The following TGIF1 variants were observed in gnomAD, a reference collection of about 807,000 sequenced individuals.
TGIF1 encodes homeobox protein TGIF1.
Under a neutral mutation model 19.3 loss-of-function variants are expected in TGIF1, and 4 were observed. The ratio of observed to expected loss-of-function variants is 0.21; its 90% CI spans 0.10 to 0.47. The LOEUF (loss-of-function observed/expected upper bound fraction) is 0.47, where lower values mean the gene tolerates loss of function less well. TGIF1 is among the 20% of genes least tolerant of loss of function. The probability of loss-of-function intolerance (pLI) is 0.98; values close to 1 mark genes in which losing one functional copy is unlikely to be tolerated. For synonymous variants in TGIF1, 122 were observed against 129.3 expected, an observed-to-expected ratio of 0.94 and a Z score of 0.38; for missense variants, 275 against 341.4, an observed-to-expected ratio of 0.81 and a Z score of 1.53.
Position 3,459,154 on chromosome 18 carries a change from C to G in TGIF1, c.*1214C>G, listed in dbSNP as rs2049450917. ...ATGCCACAAAACCATTCTTTGTAGT[C>G]ATGCTTAGTATGAGCTTGCTTTGTT... On this transcript the variant is annotated 3_prime_UTR_variant, in exon 3 of 3. Transcript: ENST00000343820. The G allele has an allele frequency of 6.6e-6, 1 of 152,162 alleles. No homozygotes were observed. Among genetic ancestry groups the G allele is most frequent in the Non-Finnish European group, 1.5e-5 (1 of 68,038 alleles). The allele number at this position is 152,162 out of a possible 1,614,324, so 9.4% of individuals were successfully genotyped here. A position where few individuals can be genotyped will look rare whatever the true frequency, so the allele number is the denominator to read the frequency against.
chr18:3,418,508 TACTTATAATATCTAATACAA>T (rs1456711860), intron 2 of TGIF1: 1 of 152,242 alleles, frequency 6.6e-6, no homozygotes, highest in Non-Finnish European at 1.5e-5. Flanking sequence ...ATCTTTAGAT[TACTTATAATATCTAATACAA>T]TGTGAATGCT....
chr18:3,427,830 C>G (rs767313993), intron 2 of TGIF1, among the ~76,000 whole-genome samples: 13 of 151,884 alleles, frequency 8.6e-5, no homozygotes, highest in Non-Finnish European at 1.8e-4. Flanking sequence ...GAACTCTTGA[C>G]TGCAGGTGAT....
intron 2 of TGIF1, among the ~76,000 whole-genome samples, chr18:3,423,148 C>T (rs78992691): frequency 3.1e-4 from 47 of 152,248 alleles, no homozygotes; most frequent in Admixed American, 1.0e-3. Context: ...TGCATGTAGT[C>T]GGCTCTAAGT....
chr18:3,444,573 G>A (rs1357540967), intron 2 of TGIF1, among the ~76,000 whole-genome samples: 2 of 151,958 alleles, frequency 1.3e-5, no homozygotes, highest in Admixed American at 1.3e-4. Context: ...TAAATATTGG[G>A]TACCTATGAT....
At chr18:3,437,126 A>T (rs542656941) in intron 2 of TGIF1, among the ~76,000 whole-genome samples, 2 of 152,180 alleles carry the variant, frequency 1.3e-5, no homozygotes, top group African/African-American at 4.8e-5. Context: ...TAATAATAAA[A>T]TAAAATAAAC....
At chr18:3,450,050 T>TGA, upstream of TGIF1, 1 of 1,005,860 alleles carries the variant, frequency 9.9e-7, no homozygotes, top group Non-Finnish European at 1.2e-6. Flanking sequence ...CCGCGCTCGG[T>TGA]CCAGTCTTCC....
upstream of TGIF1, among the ~76,000 whole-genome samples, chr18:3,445,988 C>G (rs2082740442): frequency 2.0e-5 from 3 of 151,852 alleles, no homozygotes; most frequent in South Asian, 6.2e-4. Context: ...TGTTGGGTAC[C>G]CAGTTTTATG....
chr18:3,451,852 C>A lies in TGIF1; in HGVS notation c.16+1347C>A. ...AGGGAATTGGCCCTGGGAGAAAACG[C>A]GCGGGGGGCGTCCGAGACGCCCCGT... On this transcript the variant is annotated intron_variant, in intron 1 of 2. Coordinates refer to ENST00000343820, the MANE Select transcript of TGIF1 (RefSeq NM_003244.4). This position sits in a 1 kb window ranked among gnomAD's most constrained non-coding sequence, Gnocchi z 5.4. 7.1e-7 allele frequency: 1 copy of A among 1,399,958 alleles called. No homozygotes were observed. Among genetic ancestry groups the A allele is most frequent in the Non-Finnish European group, 9.3e-7 (1 of 1,076,694 alleles). 86.7% of individuals were successfully genotyped at this position (1,399,958 alleles called of 1,614,324 possible).
rs749217690 is a variant in TGIF1 at position 3,456,509 on chromosome 18, C to G, written c.172C>G (p.Arg58Gly). Residue 58 changes from arginine to glycine, a missense_variant, in exon 2 of 3, where the codon CGT (arginine) becomes GGT (glycine). Arg to Gly is a moderately radical substitution (Grantham distance 125). Coordinates refer to ENST00000343820, the MANE Select transcript of TGIF1 (RefSeq NM_003244.4). This position sits in a 1 kb window ranked among gnomAD's most constrained non-coding sequence, Gnocchi z 4.2. ...TCTTCGGGATTGGCTGTATGAGCAC[C>G]GTTACAATGCCTATCCTTCAGAGCA... ...QILRDWLYEH[R>G]YNAYPSEQEK... 1 of 1,614,222 alleles carries G rather than the reference C, an allele frequency of 6.2e-7. No homozygotes were observed. Among genetic ancestry groups the G allele is most frequent in the Non-Finnish European group, 8.5e-7 (1 of 1,180,048 alleles).
chr18:3,457,529 A>G lies in TGIF1; in HGVS notation c.408A>G (p.Leu136=), dbSNP rs772528947. The change falls in exon 3 of 3, where the codon CTA becomes CTG. Residue 136 remains leucine (L), a synonymous_variant. Coordinates refer to ENST00000343820, the MANE Select transcript of TGIF1 (RefSeq NM_003244.4). The surrounding 1 kb of genome is among the most constrained non-coding windows in gnomAD (Gnocchi z 4.9). The part of the protein sequence containing the change: ...VMGIKNFMPA[L]EETPFHSCTA... ...GCATCAAAAACTTCATGCCAGCTCT[A>G]GAGGAGACCCCATTTCATTCCTGTA... 16 of 1,614,106 alleles carry G rather than the reference A, an allele frequency of 9.9e-6. No individual in the cohort carries two copies. The highest frequency in any genetic ancestry group is 1.2e-5 in the Non-Finnish European group (14 of 1,180,062).
At chr18:3,417,317 G>C (rs369830591) in intron 1 of TGIF1, among the ~76,000 whole-genome samples, 1 of 151,994 alleles carries the variant, frequency 6.6e-6, no homozygotes, top group Non-Finnish European at 1.5e-5. Context: ...GAGCCACCGC[G>C]TCCGGCTAAT....
Position 3,444,471 on chromosome 18 carries a change from A to G in TGIF1, c.-44-11883A>G, listed in dbSNP as rs1386943578. 2.6e-5 allele frequency among the ~76,000 whole-genome samples: 4 copies of G among 152,154 alleles called. No individual in the cohort carries two copies. In the East Asian group the frequency reaches 7.7e-4, roughly 29 times the overall value. On this transcript the variant is annotated intron_variant, in intron 2 of 3. Coordinates refer to the TGIF1 transcript ENST00000401449. ...CTCCTCCCACCCTCCTCACTCAAGT[A>G]AACCCCAGTGTCTGATGTTTCCTTC...
upstream of TGIF1, chr18:3,449,935 G>A (rs1598892135): frequency 1.0e-6 from 1 of 986,352 alleles, no homozygotes; most frequent in Non-Finnish European, 1.2e-6. Flanking sequence ...GCCGGGCGAG[G>A]GATGCGGGCG....
upstream of TGIF1, chr18:3,449,263 A>G: frequency 2.7e-6 from 1 of 363,668 alleles, no homozygotes; most frequent in Non-Finnish European, 3.8e-6. Flanking sequence ...AAGAGTAGAC[A>G]CTGTTGACCG....
chr18:3,451,699 G>A lies in TGIF1; in HGVS notation c.16+1194G>A. 1 of 1,213,674 alleles carries A rather than the reference G, an allele frequency of 8.2e-7. No homozygotes were observed. The highest frequency in any genetic ancestry group is 1.6e-5 in the African/African-American group (1 of 64,030). The allele number at this position is 1,213,674 out of a possible 1,614,324, so 75.2% of individuals were successfully genotyped here. A position where few individuals can be genotyped will look rare whatever the true frequency, so the allele number is the denominator to read the frequency against. ...TGTGGGAGGCCCTGAAACGCGCGGA[G>A]CTTCCCTCTGCCTCCAGGCTTTCCC... On this transcript the variant is annotated intron_variant, in intron 1 of 2. Coordinates refer to ENST00000343820, the MANE Select transcript of TGIF1 (RefSeq NM_003244.4). This position sits in a 1 kb window ranked among gnomAD's most constrained non-coding sequence, Gnocchi z 5.4.
At chr18:3,447,963 A>G (rs80144693), upstream of TGIF1, 21,471 of 886,368 alleles carry the variant, frequency 0.024, 1,011 homozygotes, top group East Asian at 0.22. Context: ...AGCCAAGTCC[A>G]CTTGGACGAA....
chr18:3,429,139 C>G (rs1003800062), intron 2 of TGIF1, among the ~76,000 whole-genome samples: 33 of 152,194 alleles, frequency 2.2e-4, no homozygotes, highest in Non-Finnish European at 2.9e-5. Context: ...TCACTGCAGC[C>G]TCAAACTTCT....
At position 3,457,197 on chromosome 18, in the gene TGIF1, T is replaced by G. The variant is rs2049383642; in HGVS notation, c.244-168T>G. The stretch of plus-strand genomic sequence containing the variant: ...GCTTATGACAGGTGGTAGCTTGCTT[T>G]CTTGGCGGAGCTCAGATACCTTGAA... On this transcript the variant is annotated intron_variant, in intron 2 of 2. Transcript: ENST00000343820. This position sits in a 1 kb window ranked among gnomAD's most constrained non-coding sequence, Gnocchi z 4.9. 1 of 810,438 alleles carries G rather than the reference T, an allele frequency of 1.2e-6. No homozygotes were observed. Among genetic ancestry groups the G allele is most frequent in the Admixed American group, 2.3e-5 (1 of 43,056 alleles). 50.2% of individuals were successfully genotyped at this position (810,438 alleles called of 1,614,324 possible). A position where few individuals can be genotyped will look rare whatever the true frequency, so the allele number is the denominator to read the frequency against.
upstream of TGIF1, among the ~76,000 whole-genome samples, chr18:3,448,992 T>A (rs2143285918): frequency 6.6e-6 from 1 of 152,152 alleles, no homozygotes; most frequent in Non-Finnish European, 1.5e-5. Context: ...GGGGGAAGTC[T>A]CATTGTGTGG....
Sources: allele counts gnomAD v4.1 joint callset (sites outside exome capture counted in the v4.1 genomes callset), GRCh38; gene constraint gnomAD v4.1.1; non-coding constraint Gnocchi (gnomAD v3.1); transcripts MANE v1.5; gene names NCBI Gene and HGNC (gene_info 2026-07-23, HGNC 2026-07-21).